MTMR1: variants seen among roughly 807,000 people sequenced by gnomAD.
MTMR1 encodes the protein phosphatidylinositol-3-phosphate phosphatase MTMR1.
MTMR1 carries 17 observed loss-of-function variants against 51.6 expected under a neutral mutation model. The ratio of observed to expected loss-of-function variants is 0.33; its 90% CI spans 0.23 to 0.49. The LOEUF (loss-of-function observed/expected upper bound fraction) is 0.49. MTMR1 is among the 20% of genes least tolerant of loss of function. The pLI, the probability that MTMR1 is intolerant of heterozygous loss-of-function variation, is 0.99. For synonymous variants in MTMR1, 201 were observed against 205.6 expected (o/e 0.98, Z 0.19); for missense variants, 386 against 526.9 (o/e 0.73, Z 2.62).
intron 6 of MTMR1, 84 bp from the exon 7 acceptor site, chrX:150,730,024 AT>A: frequency 1.8e-6 from 1 of 562,137 alleles, no homozygotes; most frequent in Non-Finnish European, 2.8e-6. Flanking sequence ...TTAAAAAAAA[AT>A]AATTTCCTTA....
In MTMR1 at chrX:150,760,184, G is replaced by A. The variant is rs200358107; in HGVS notation, c.1858-2381G>A. Reference sequence around the variant, plus strand: ...ATCCTGTATGCAACAGGCATGTGTCGGACACCTCCTAGGTGTGGGAATGGG... The same window carrying A: ...ATCCTGTATGCAACAGGCATGTGTCAGACACCTCCTAGGTGTGGGAATGGG... On this transcript the variant is annotated intron_variant, in intron 15 of 15. Transcript: ENST00000445323. Among the ~76,000 whole-genome samples, 7 of 108,590 alleles carry A rather than the reference G, an allele frequency of 6.4e-5. No individual in the cohort carries two copies. In the East Asian group the frequency reaches 8.5e-4, roughly 13 times the overall value. The allele number at this position is 108,590 out of a possible 115,157, so 94.3% of individuals were successfully genotyped here.
At chrX:150,745,312 T>C (rs1486917314) in intron 13 of MTMR1, among the ~76,000 whole-genome samples, 1 of 111,721 alleles carries the variant, frequency 9.0e-6, no homozygotes, top group Non-Finnish European at 1.9e-5. Flanking sequence ...ATCCAGGGTC[T>C]GAGCCTTCTC....
At position 150,715,994 on chromosome X, in the gene MTMR1, T is replaced by A. The variant is rs113445997; in HGVS notation, c.277-2631T>A. On this transcript the variant is annotated intron_variant, in intron 3 of 15. Transcript: ENST00000445323. ...ACCTCTGTCTCCTATATGCAACATT[T>A]TATTAGCTAGTCCTGGATTGAGGAC... is the stretch of plus-strand genomic sequence containing the variant. Among the ~76,000 whole-genome samples, 700 of 112,574 alleles carry A rather than the reference T, an allele frequency of 6.2e-3. 5 individuals carry two copies. Among genetic ancestry groups the A allele is most frequent in the African/African-American group, 0.021 (662 of 31,060 alleles).
chrX:150,721,705 T>C lies in MTMR1; in HGVS notation c.352+3005T>C, dbSNP rs111703087. On this transcript the variant is annotated intron_variant, in intron 4 of 15. Coordinates refer to ENST00000445323, the MANE Select transcript of MTMR1 (RefSeq NM_001306144.3). ...TAGAGGTTTATTGATTTTATTGATCTTCTCCAAGAGTCAGCTTTTGGTTTT... is the reference window on the plus strand; with the variant it reads ...TAGAGGTTTATTGATTTTATTGATCCTCTCCAAGAGTCAGCTTTTGGTTTT... Among the ~76,000 whole-genome samples, 723 of 111,566 alleles carry C rather than the reference T, an allele frequency of 6.5e-3. 6 individuals are homozygous for C. Among genetic ancestry groups the C allele is most frequent in the African/African-American group, 0.022 (668 of 30,809 alleles).
chrX:150,755,991 T>C (rs1214762748), intron 15 of MTMR1, 126 bp downstream of exon 15: 6 of 560,124 alleles, frequency 1.1e-5, no homozygotes, highest in Non-Finnish European at 1.7e-5. Flanking sequence ...TGCCCTCTCC[T>C]GTCAGGGTTC....
At chrX:150,718,803 C>T in intron 4 of MTMR1, 103 bp downstream of exon 4, 2 of 771,101 alleles carry the variant, frequency 2.6e-6, no homozygotes, top group Non-Finnish European at 3.8e-6. Flanking sequence ...GCCAGACCAA[C>T]TTAATTAGGG....
At chrX:150,718,855 T>A (rs2041651156) in intron 4 of MTMR1, among the ~76,000 whole-genome samples, 155 bp downstream of exon 4, 2 of 110,045 alleles carry the variant, frequency 1.8e-5, no homozygotes, top group Admixed American at 2.0e-4. Flanking sequence ...AGTGTCATCA[T>A]GACCTAAGAG....
At chrX:150,718,583 CCTTTTTTTTTTTTTTTTTTTT>C (rs1418793503) in intron 3 of MTMR1, 21 bp from the exon 4 acceptor site, 257 of 351,864 alleles carry the variant, frequency 7.3e-4, no homozygotes, top group South Asian at 1.3e-3. Flanking sequence ...CGTTTGGTGT[CCTTTTTTTTTTTTTTTTTTTT>C]TTTTTTTTTT....
intron 15 of MTMR1, among the ~76,000 whole-genome samples, chrX:150,759,218 C>G (rs1218265879): frequency 8.9e-6 from 1 of 112,681 alleles, no homozygotes; most frequent in Admixed American, 9.4e-5. Context: ...ATCCCCCTTC[C>G]AGCACCTTCC....
At chrX:150,697,871 T>C (rs1569565611) in intron 1 of MTMR1, among the ~76,000 whole-genome samples, 1 of 111,979 alleles carries the variant, frequency 8.9e-6, no homozygotes, top group African/African-American at 3.3e-5. Flanking sequence ...TCAGTCGCTA[T>C]TGGTTGTTCC....
intron 2 of MTMR1, among the ~76,000 whole-genome samples, chrX:150,709,935 A>G (rs1376906790): frequency 2.7e-5 from 3 of 112,397 alleles, no homozygotes; most frequent in Non-Finnish European, 5.6e-5. Flanking sequence ...TTGGTTCTGC[A>G]GTGGACAATA....
chrX:150,741,654 G>A (rs1403828953), intron 12 of MTMR1, among the ~76,000 whole-genome samples: 5 of 112,446 alleles, frequency 4.4e-5, no homozygotes, highest in African/African-American at 1.6e-4. Flanking sequence ...GTCTCCTAGG[G>A]GCCTAGCCAA....
chrX:150,713,463 CA>C (rs1461712300), intron 3 of MTMR1, among the ~76,000 whole-genome samples: 1 of 111,548 alleles, frequency 9.0e-6, no homozygotes, highest in Non-Finnish European at 1.9e-5. Context: ...ACTTTATTGA[CA>C]AAAATGGAAG....
At chrX:150,748,659 AAAAAAC>A (rs1344296535) in intron 13 of MTMR1, among the ~76,000 whole-genome samples, 3 of 93,182 alleles carry the variant, frequency 3.2e-5, no homozygotes, top group African/African-American at 7.2e-5. Flanking sequence ...CTTTACAAAA[AAAAAAC>A]AAAAAACAAA....
chrX:150,717,161 C>T lies in MTMR1; in HGVS notation c.277-1464C>T, dbSNP rs782278466. Among the ~76,000 whole-genome samples, 347 of 109,554 alleles carry T rather than the reference C, an allele frequency of 3.2e-3. 1 individual carries two copies. Among genetic ancestry groups the T allele is most frequent in the Middle Eastern group, 0.014 (3 of 215 alleles). ...GATCACCAGGTCAAGAGATGGAGAC[C>T]ATCCTGGCCAACAATGTGAAACCCC... On this transcript the variant is annotated intron_variant, in intron 3 of 15. Transcript: ENST00000445323.
intron 4 of MTMR1, among the ~76,000 whole-genome samples, chrX:150,723,073 A>G (rs1322205606): frequency 9.5e-6 from 1 of 104,913 alleles, no homozygotes; most frequent in Non-Finnish European, 2.0e-5. Flanking sequence ...TCATTGTTCA[A>G]TTCCCATCTA....
intron 3 of MTMR1, among the ~76,000 whole-genome samples, chrX:150,715,611 T>A (rs1557416370): frequency 8.9e-6 from 1 of 112,300 alleles, no homozygotes; most frequent in Non-Finnish European, 1.9e-5. Flanking sequence ...AGCAGCTTCA[T>A]AAAGGGAATC....
intron 6 of MTMR1, among the ~76,000 whole-genome samples, chrX:150,727,995 C>G (rs1387607132): frequency 2.7e-5 from 3 of 111,515 alleles, no homozygotes; most frequent in African/African-American, 9.8e-5. Context: ...CCATCGAAGT[C>G]CAATTGTCCC....
chrX:150,753,159 T>G (rs1557417648), intron 14 of MTMR1, among the ~76,000 whole-genome samples: 4 of 112,631 alleles, frequency 3.6e-5, no homozygotes. Context: ...GGTTCATCTA[T>G]GCACCAATAC....
Sources: gnomAD v4.1 joint callset for allele counts (sites outside exome capture counted in the v4.1 genomes callset) on GRCh38, gnomAD v4.1.1 for gene constraint, MANE v1.5 for transcripts, NCBI Gene and HGNC (gene_info 2026-07-23, HGNC 2026-07-21) for gene names.